ACSL4: variants seen among roughly 807,000 people sequenced by gnomAD.
ACSL4 encodes acyl-CoA synthetase long chain family member 4.
In ACSL4, 9 loss-of-function variants were observed where a neutral mutation model predicts 49.1. The observed-to-expected ratio is 0.18, with a 90% CI of 0.11 to 0.32. The LOEUF (loss-of-function observed/expected upper bound fraction) is 0.32. Among genes scored for constraint, ACSL4 ranks in the 10% least tolerant of loss-of-function variants. The pLI is 1.00. For missense variants in ACSL4, 333 were observed against 493.7 expected (o/e 0.67, Z 3.08); for synonymous variants, 191 against 170.3 (o/e 1.12, Z -0.95).
rs182179046 is a variant in ACSL4 at position 109,670,944 on chromosome X, T to A, written c.1003-1771A>T. ...ACTCAGTGCTCAATGTTGCCCAGGC[T>A]GGAGTGCAGTGGCGTGATCTCGGCT... On this transcript the variant is annotated intron_variant, in intron 9 of 15. Transcript: ENST00000672401. Among the ~76,000 whole-genome samples the A allele has an allele frequency of 2.0e-3, 224 of 112,506 alleles. 2 individuals are homozygous for A. In the East Asian group the frequency reaches 0.061, roughly 31 times the overall value.
intron 11 of ACSL4, among the ~76,000 whole-genome samples, chrX:109,665,868 C>CTA (rs1282664884): frequency 6.3e-5 from 7 of 111,689 alleles, no homozygotes; most frequent in African/African-American, 2.0e-4. Context: ...ATTTCCTCAT[C>CTA]TATGAAATGG....
intron 15 of ACSL4, among the ~76,000 whole-genome samples, chrX:109,658,441 C>G (rs1336136677): frequency 9.0e-6 from 1 of 111,190 alleles, no homozygotes; most frequent in Non-Finnish European, 1.9e-5. Context: ...CAAACCTGAC[C>G]ACATCACTAA....
At chrX:109,686,907 G>A (rs1286822061) in intron 2 of ACSL4, among the ~76,000 whole-genome samples, 2 of 111,125 alleles carry the variant, frequency 1.8e-5, no homozygotes, top group Non-Finnish European at 3.8e-5. Flanking sequence ...GGGGTCATGG[G>A]TCATCCATTT....
chrX:109,690,742 C>T (rs1426176582), intron 2 of ACSL4, among the ~76,000 whole-genome samples: 1 of 98,903 alleles, frequency 1.0e-5, no homozygotes, highest in East Asian at 3.2e-4. Flanking sequence ...ATCTGTCCTA[C>T]ATCCTAAGAC....
intron 2 of ACSL4, chrX:109,695,920 C>A (rs1040043479): frequency 2.7e-5 from 3 of 112,022 alleles, no homozygotes; most frequent in African/African-American, 9.8e-5. Flanking sequence ...ACCACTTGTT[C>A]TTTTACAAAT....
chrX:109,721,149 C>T (rs1236182417), intron 1 of ACSL4, among the ~76,000 whole-genome samples: 1 of 112,021 alleles, frequency 8.9e-6, no homozygotes, highest in African/African-American at 3.2e-5. Context: ...TCTTCTTTTT[C>T]TTCTCAAAAC....
chrX:109,683,886 A>G (rs1924384090), intron 2 of ACSL4, among the ~76,000 whole-genome samples: 2 of 112,045 alleles, frequency 1.8e-5, no homozygotes, highest in African/African-American at 6.5e-5. Context: ...CTTTGAGCAC[A>G]TCAACTTCTG....
intron 8 of ACSL4, among the ~76,000 whole-genome samples, chrX:109,676,466 TG>T (rs768762115): frequency 9.0e-6 from 1 of 111,411 alleles, no homozygotes; most frequent in South Asian, 3.7e-4. Context: ...CATTGCCTGG[TG>T]GGGGGCGGTC....
At chrX:109,711,101 C>T (rs780814541) in intron 1 of ACSL4, among the ~76,000 whole-genome samples, 1 of 112,641 alleles carries the variant, frequency 8.9e-6, no homozygotes, top group Non-Finnish European at 1.9e-5. Flanking sequence ...ATATTTCACA[C>T]CAATTTTATT....
chrX:109,675,698 T>A (rs1389337590), intron 8 of ACSL4, among the ~76,000 whole-genome samples: 1 of 111,670 alleles, frequency 9.0e-6, no homozygotes, highest in African/African-American at 3.3e-5. Context: ...GAAAAAAAAA[T>A]TATACTCAAA....
chrX:109,667,553 C>G (rs934072596), intron 11 of ACSL4, among the ~76,000 whole-genome samples: 2 of 112,255 alleles, frequency 1.8e-5, no homozygotes, highest in African/African-American at 6.5e-5. Flanking sequence ...AGAAAGAAGA[C>G]TAAAGGACCA....
In ACSL4 at chrX:109,665,268, T is replaced by G; in HGVS notation, c.1390+152A>C. 3 of 493,975 alleles carry G rather than the reference T, an allele frequency of 6.1e-6. No individual in the cohort carries two copies. In the Admixed American group the frequency reaches 9.1e-5, roughly 15 times the overall value. 40.7% of individuals were successfully genotyped at this position (493,975 alleles called of 1,213,427 possible). ...TATTTTCCTCTTGGGAACCTAAAGA[T>G]ATCACTGAGGAAAAAGAATGCATGG... On this transcript the variant is annotated intron_variant, in intron 12 of 15. Coordinates refer to ENST00000672401, the MANE Select transcript of ACSL4 (RefSeq NM_001318510.2).
intron 1 of ACSL4, among the ~76,000 whole-genome samples, chrX:109,716,441 G>T (rs1236215270): frequency 2.7e-5 from 3 of 112,210 alleles, no homozygotes; most frequent in Non-Finnish European, 3.8e-5. Context: ...CAAAGCCAAA[G>T]GATGAAAGTG....
chrX:109,646,437 G>A (rs1438558563), intron 15 of ACSL4, among the ~76,000 whole-genome samples: 1 of 107,241 alleles, frequency 9.3e-6, no homozygotes, highest in African/African-American at 3.4e-5. Context: ...CATAAGTGAA[G>A]GAGAAATAAA....
intron 1 of ACSL4, among the ~76,000 whole-genome samples, chrX:109,731,643 A>G (rs1928457227): frequency 9.1e-6 from 1 of 110,360 alleles, no homozygotes; most frequent in South Asian, 3.7e-4. Context: ...TACACCTTCC[A>G]TGGATTTTTA....
rs1456520847 is a variant in ACSL4 at position 109,733,201 on chromosome X, A to T, written c.-128T>A. The stretch of plus-strand genomic sequence containing the variant: ...CGCCTGGCACTCGGAAAGCTCGCAA[A>T]AAGGAACCGCGTGCCCGCTAGCGCT... On this transcript the variant is annotated 5_prime_UTR_variant, in exon 1 of 16. Coordinates refer to ENST00000672401, the MANE Select transcript of ACSL4 (RefSeq NM_001318510.2). 1.5e-5 allele frequency: 5 copies of T among 327,167 alleles called. No homozygotes were observed. In the East Asian group the frequency reaches 5.0e-4, roughly 33 times the overall value. 27.0% of individuals were successfully genotyped at this position (327,167 alleles called of 1,213,427 possible).
intron 1 of ACSL4, among the ~76,000 whole-genome samples, chrX:109,715,604 C>T (rs1213384337): frequency 2.7e-5 from 3 of 110,665 alleles, no homozygotes; most frequent in African/African-American, 6.6e-5. Context: ...CATGCCACTG[C>T]ACTCCGACTG....
chrX:109,725,790 T>G (rs1324531609), intron 1 of ACSL4, among the ~76,000 whole-genome samples: 1 of 111,745 alleles, frequency 8.9e-6, no homozygotes, highest in Non-Finnish European at 1.9e-5. Flanking sequence ...ATTTTTATAT[T>G]TTTTCCACGT....
In ACSL4 at chrX:109,668,288, G is replaced by A; in HGVS notation, c.1143-15C>T. The A allele has an allele frequency of 2.5e-6, 3 of 1,180,665 alleles. No individual in the cohort carries two copies. The highest frequency in any genetic ancestry group is 3.4e-6 in the Non-Finnish European group (3 of 872,826). On this transcript the variant is annotated splice_polypyrimidine_tract_variant and intron_variant, in intron 10 of 15. Transcript: ENST00000672401. Reference sequence around the variant, plus strand: ...TAAACAGTAACCTTAATAAAGGGAGGATAAATGATTTTAATGTACGCATAC... The same window carrying A: ...TAAACAGTAACCTTAATAAAGGGAGAATAAATGATTTTAATGTACGCATAC...
Sources: allele counts gnomAD v4.1 joint callset (sites outside exome capture counted in the v4.1 genomes callset), GRCh38; gene constraint gnomAD v4.1.1; transcripts MANE v1.5; gene names NCBI Gene and HGNC (gene_info 2026-07-23, HGNC 2026-07-21).